C8orf34: variants seen among roughly 807,000 people sequenced by gnomAD.
C8orf34 encodes the protein chromosome 8 open reading frame 34.
Under a neutral mutation model 68.3 loss-of-function variants are expected in C8orf34, and 65 were observed. The observed-to-expected ratio is 0.95, with a 90% CI of 0.78 to 1.17. C8orf34 has a LOEUF of 1.17. Among genes scored for constraint, C8orf34 ranks in the 50% most tolerant of loss-of-function variants. C8orf34 has a pLI of 0.00. For synonymous variants in C8orf34, 244 were observed against 241.2 expected (o/e 1.01, Z -0.11); for missense variants, 664 against 655.4 (o/e 1.01, Z -0.14).
At chr8:68,789,842 A>ACT (rs1563670960) in intron 12 of C8orf34, among the ~76,000 whole-genome samples, 2 of 152,238 alleles carry the variant, frequency 1.3e-5, no homozygotes, top group African/African-American at 4.8e-5. Context: ...AAATTTTAAT[A>ACT]TTGGATTTAT....
chr8:68,348,088 AT>A (rs1806356401), intron 1 of C8orf34, among the ~76,000 whole-genome samples: 1 of 151,542 alleles, frequency 6.6e-6, no homozygotes, highest in Admixed American at 6.6e-5. Context: ...GATTTTTATA[AT>A]TTTGGGTTTT....
intron 11 of C8orf34, among the ~76,000 whole-genome samples, chr8:68,784,327 A>G (rs910856400): frequency 7.2e-5 from 11 of 152,348 alleles, no homozygotes; most frequent in African/African-American, 2.6e-4. Context: ...GGAAGACCAC[A>G]GAGGTAAAAT....
Position 68,426,266 on chromosome 8 carries a change from C to T in C8orf34, c.328-13233C>T, listed in dbSNP as rs879918994. 1.3e-3 allele frequency among the ~76,000 whole-genome samples: 190 copies of T among 151,786 alleles called. 1 individual carries two copies. The highest frequency in any genetic ancestry group is 4.5e-3 in the African/African-American group (185 of 41,440). On this transcript the variant is annotated intron_variant, in intron 1 of 13. Coordinates refer to ENST00000518698, the MANE Select transcript of C8orf34 (RefSeq NM_052958.4). ...GGGTGCGTGGCTCACACCTGTAATCCCAGCACTTTGGGAGCCTGATGCTGG... is the reference window on the plus strand; with the variant it reads ...GGGTGCGTGGCTCACACCTGTAATCTCAGCACTTTGGGAGCCTGATGCTGG...
chr8:68,384,752 C>T (rs557018049), intron 1 of C8orf34, among the ~76,000 whole-genome samples: 116 of 152,226 alleles, frequency 7.6e-4, no homozygotes, highest in African/African-American at 2.6e-3. Context: ...TCCACTCAGC[C>T]AAAGGTTTTG....
At chr8:68,502,666 C>A (rs186189583) in intron 5 of C8orf34, among the ~76,000 whole-genome samples, 72 of 152,082 alleles carry the variant, frequency 4.7e-4, no homozygotes, top group African/African-American at 1.6e-3. Context: ...TTAAAGGTAG[C>A]CAAATATTTG....
chr8:68,466,775 A>G (rs1812166907), intron 3 of C8orf34, among the ~76,000 whole-genome samples: 1 of 144,088 alleles, frequency 6.9e-6, no homozygotes, highest in Non-Finnish European at 1.5e-5. Flanking sequence ...AGATGCTTTC[A>G]TTTCTTTATG....
intron 8 of C8orf34, among the ~76,000 whole-genome samples, chr8:68,690,734 A>G (rs979341278): frequency 6.6e-6 from 1 of 152,072 alleles, no homozygotes; most frequent in Non-Finnish European, 1.5e-5. Flanking sequence ...TTCAGACCAC[A>G]GCAAAATGAA....
intron 10 of C8orf34, among the ~76,000 whole-genome samples, chr8:68,769,213 C>T (rs1380729286): frequency 6.6e-6 from 1 of 151,626 alleles, no homozygotes; most frequent in East Asian, 1.9e-4. Context: ...TTAAGATCTG[C>T]TATTATCCTT....
chr8:68,780,269 C>T (rs1166687936), intron 11 of C8orf34, among the ~76,000 whole-genome samples: 2 of 152,004 alleles, frequency 1.3e-5, no homozygotes, highest in South Asian at 2.1e-4. Context: ...CAGGCATGCT[C>T]GAAAAATGAC....
intron 5 of C8orf34, among the ~76,000 whole-genome samples, chr8:68,516,791 C>T (rs1316460037): frequency 6.6e-6 from 1 of 152,028 alleles, no homozygotes; most frequent in Non-Finnish European, 1.5e-5. Flanking sequence ...TAGGCGTGTG[C>T]CACCACGCCC....
intron 10 of C8orf34, among the ~76,000 whole-genome samples, chr8:68,772,348 C>T (rs1046646348): frequency 3.3e-5 from 5 of 152,172 alleles, no homozygotes; most frequent in African/African-American, 4.8e-5. Flanking sequence ...ACAAGAGAAG[C>T]ATGGCATAAT....
chr8:68,405,355 A>G (rs1563411057), intron 1 of C8orf34, among the ~76,000 whole-genome samples: 2 of 152,166 alleles, frequency 1.3e-5, no homozygotes. Context: ...GGACTCATCT[A>G]AGTCCTAAAA....
At chr8:68,368,452 A>G (rs913731366) in intron 1 of C8orf34, among the ~76,000 whole-genome samples, 1 of 151,446 alleles carries the variant, frequency 6.6e-6, no homozygotes, top group African/African-American at 2.4e-5. Context: ...GTTTCTTTTC[A>G]CTCTCTACAG....
intron 10 of C8orf34, among the ~76,000 whole-genome samples, chr8:68,733,379 C>T (rs1822037384): frequency 6.6e-6 from 1 of 152,160 alleles, no homozygotes; most frequent in Non-Finnish European, 1.5e-5. Context: ...ATGTAGGCTG[C>T]ACTAAGTTAA....
At chr8:68,353,638 TA>T (rs1563371123) in intron 1 of C8orf34, among the ~76,000 whole-genome samples, 9 of 69,146 alleles carry the variant, frequency 1.3e-4, no homozygotes, top group East Asian at 4.6e-4. Context: ...ATATATATAT[TA>T]TATATATATA....
intron 1 of C8orf34, among the ~76,000 whole-genome samples, chr8:68,397,738 AT>A (rs1808777893): frequency 6.6e-6 from 1 of 152,002 alleles, no homozygotes; most frequent in Non-Finnish European, 1.5e-5. Context: ...CATGAAAGCC[AT>A]TCCTTTTGTC....
intron 10 of C8orf34, among the ~76,000 whole-genome samples, chr8:68,742,355 C>T (rs1378293346): frequency 6.6e-6 from 1 of 152,142 alleles, no homozygotes; most frequent in Non-Finnish European, 1.5e-5. Context: ...TCCTACTTCT[C>T]AAGAAAAAAT....
chr8:68,467,554 T>C (rs941980975), intron 3 of C8orf34, among the ~76,000 whole-genome samples: 1 of 152,032 alleles, frequency 6.6e-6, no homozygotes, highest in African/African-American at 2.4e-5. Context: ...AGACTGTCTT[T>C]CACTATCTTC....
intron 13 of C8orf34, 113 bp from the exon 14 acceptor site, chr8:68,818,126 A>T (rs1563686821): frequency 9.6e-7 from 1 of 1,037,208 alleles, no homozygotes; most frequent in Admixed American, 2.0e-5. Context: ...ATATCCTTTC[A>T]AAAGTTCATT....
Sources: gnomAD v4.1 joint callset for allele counts (sites outside exome capture counted in the v4.1 genomes callset) on GRCh38, gnomAD v4.1.1 for gene constraint, MANE v1.5 for transcripts, NCBI Gene and HGNC (gene_info 2026-07-23, HGNC 2026-07-21) for gene names.